The following KPNA1 variants were observed in gnomAD, a reference collection of about 807,000 sequenced individuals.
KPNA1 encodes importin subunit alpha-5.
Under a neutral mutation model 70.5 loss-of-function variants are expected in KPNA1, and 10 were observed. The observed-to-expected ratio is 0.14, with a 90% CI of 0.09 to 0.24. KPNA1 has a LOEUF of 0.24. Among genes scored for constraint, KPNA1 ranks in the 10% least tolerant of loss-of-function variants. KPNA1 has a pLI of 1.00. For synonymous variants in KPNA1, 192 were observed against 221.9 expected, an observed-to-expected ratio of 0.87 and a Z score of 1.20; for missense variants, 397 against 637.9, an observed-to-expected ratio of 0.62 and a Z score of 4.07.
chr3:122,499,171 A>T (rs2107501163), intron 1 of KPNA1, among the ~76,000 whole-genome samples: 1 of 152,206 alleles, frequency 6.6e-6, no homozygotes, highest in South Asian at 2.1e-4. Flanking sequence ...TCCAATTTTG[A>T]TGTCTTTTAC....
chr3:122,481,655 C>G (rs1014697357), intron 2 of KPNA1, among the ~76,000 whole-genome samples: 1 of 152,214 alleles, frequency 6.6e-6, no homozygotes, highest in Non-Finnish European at 1.5e-5. Context: ...TTACACACTT[C>G]AAGTGGGTGA....
At chr3:122,464,941 A>G (rs1208694283) in intron 3 of KPNA1, among the ~76,000 whole-genome samples, 1 of 152,204 alleles carries the variant, frequency 6.6e-6, no homozygotes, top group Non-Finnish European at 1.5e-5. Flanking sequence ...AAAAGTAACT[A>G]TTTTCAAAAT....
chr3:122,454,439 C>T (rs2076244075), intron 5 of KPNA1, among the ~76,000 whole-genome samples: 1 of 152,122 alleles, frequency 6.6e-6, no homozygotes, highest in African/African-American at 2.4e-5. Context: ...TTGTTGCCTG[C>T]ATAGAAAGGT....
chr3:122,474,452 G>A (rs1231776879), intron 2 of KPNA1, among the ~76,000 whole-genome samples: 1 of 152,108 alleles, frequency 6.6e-6, no homozygotes, highest in Non-Finnish European at 1.5e-5. Flanking sequence ...TCGTAAGCAA[G>A]ACAGCATGGT....
At chr3:122,497,014 AAC>A (rs1184982033) in intron 1 of KPNA1, among the ~76,000 whole-genome samples, 1 of 152,188 alleles carries the variant, frequency 6.6e-6, no homozygotes, top group East Asian at 1.9e-4. Flanking sequence ...AGGTTACTTT[AAC>A]AGTTTTATTA....
At chr3:122,492,392 G>T (rs1311286613) in intron 2 of KPNA1, among the ~76,000 whole-genome samples, 1 of 152,158 alleles carries the variant, frequency 6.6e-6, no homozygotes. Flanking sequence ...AACATGGTTT[G>T]TATCTGCACT....
At chr3:122,432,012 C>A (rs779006546) in intron 12 of KPNA1, among the ~76,000 whole-genome samples, 1 of 152,082 alleles carries the variant, frequency 6.6e-6, no homozygotes, top group South Asian at 2.1e-4. Context: ...CCCTGTTGGC[C>A]AGGCTGGTCT....
At chr3:122,427,911 CA>C (rs1319128047) in intron 12 of KPNA1, among the ~76,000 whole-genome samples, 195 bp from the exon 13 acceptor site, 1 of 152,084 alleles carries the variant, frequency 6.6e-6, no homozygotes, top group Non-Finnish European at 1.5e-5. Context: ...TATCCCAAAC[CA>C]GTTCTCTGGC....
chr3:122,457,646 TC>T (rs2076278843), intron 5 of KPNA1: 1 of 1,172,160 alleles, frequency 8.5e-7, no homozygotes, highest in African/African-American at 1.6e-5. Flanking sequence ...TTTTCTCTCT[TC>T]CCTTTCTTAG....
At chr3:122,465,161 A>T (rs551456357) in intron 3 of KPNA1, among the ~76,000 whole-genome samples, 21 of 152,244 alleles carry the variant, frequency 1.4e-4, no homozygotes, top group Non-Finnish European at 2.6e-4. Flanking sequence ...GCTATCAAGG[A>T]CAGGAGTGAA....
At chr3:122,512,534 C>A (rs555327254) in intron 1 of KPNA1, among the ~76,000 whole-genome samples, 75 of 152,278 alleles carry the variant, frequency 4.9e-4, no homozygotes, top group Non-Finnish European at 1.0e-3. Flanking sequence ...CCAGCCTGGG[C>A]AAGACGGTGA....
rs2075774925 is a variant in KPNA1, at chr3:122,422,585, C to G, written c.*4400G>C. 6.6e-6 allele frequency: 1 copy of G among 152,218 alleles called. No individual in the cohort carries two copies. Among genetic ancestry groups the G allele is most frequent in the Admixed American group, 6.5e-5 (1 of 15,280 alleles). The allele number at this position is 152,218 out of a possible 1,614,324, so 9.4% of individuals were successfully genotyped here. A position where few individuals can be genotyped will look rare whatever the true frequency, so the allele number is the denominator to read the frequency against. ...TTGCCAAGTCTAGTTCTGGGAGATC[C>G]TGGGCACGGAACTACTGCGTGGCCA... is the stretch of plus-strand genomic sequence containing the variant. On this transcript the variant is annotated 3_prime_UTR_variant, in exon 14 of 14. Coordinates refer to ENST00000344337, the MANE Select transcript of KPNA1 (RefSeq NM_002264.4).
chr3:122,478,886 C>T (rs1371928838), intron 2 of KPNA1, among the ~76,000 whole-genome samples: 3 of 111,992 alleles, frequency 2.7e-5, no homozygotes, highest in Admixed American at 1.0e-4. Flanking sequence ...AAGAGCAAAA[C>T]CTCGTCTCAA....
intron 5 of KPNA1, chr3:122,459,886 C>A: frequency 1.0e-6 from 1 of 985,376 alleles, no homozygotes; most frequent in Non-Finnish European, 1.2e-6. Context: ...CAAGGCAAAT[C>A]ATCAAGTTGT....
chr3:122,474,395 G>A (rs533912244), intron 2 of KPNA1, among the ~76,000 whole-genome samples: 15 of 152,180 alleles, frequency 9.9e-5, no homozygotes, highest in Admixed American at 3.3e-4. Context: ...AATATTGAAG[G>A]AAAAGGACAA....
chr3:122,500,114 T>G (rs73190164), intron 1 of KPNA1, among the ~76,000 whole-genome samples: 20,291 of 151,892 alleles, frequency 0.13, 1,426 homozygotes, highest in Middle Eastern at 0.27. Flanking sequence ...CAACTGTTTT[T>G]TTGTTGTTGT....
At chr3:122,476,775 G>A (rs1020773301) in intron 2 of KPNA1, among the ~76,000 whole-genome samples, 2 of 145,002 alleles carry the variant, frequency 1.4e-5, no homozygotes, top group Non-Finnish European at 3.0e-5. Context: ...ATATTGGCGA[G>A]GATGCTGAGG....
At chr3:122,501,023 T>C (rs531029567) in intron 1 of KPNA1, among the ~76,000 whole-genome samples, 1 of 141,576 alleles carries the variant, frequency 7.1e-6, no homozygotes, top group African/African-American at 2.6e-5. Flanking sequence ...TTCTTTTCTT[T>C]TCTTTCCTTT....
chr3:122,454,957 ATTTAG>A (rs1339224220), intron 5 of KPNA1, among the ~76,000 whole-genome samples: 1 of 152,220 alleles, frequency 6.6e-6, no homozygotes, highest in Non-Finnish European at 1.5e-5. Flanking sequence ...ACTCTTTTCT[ATTTAG>A]TTAAGAGTTC....
Sources: gnomAD v4.1 joint callset for allele counts (sites outside exome capture counted in the v4.1 genomes callset) on GRCh38, gnomAD v4.1.1 for gene constraint, MANE v1.5 for transcripts, NCBI Gene and HGNC (gene_info 2026-07-23, HGNC 2026-07-21) for gene names.